Variants in ZNF724 observed in about 807,000 individuals in gnomAD.
The protein encoded by ZNF724 is zinc finger protein 724 pseudogene.
Under a neutral mutation model 29.3 loss-of-function variants are expected in ZNF724, and 14 were observed. The ratio of observed to expected loss-of-function variants is 0.48; its 90% confidence interval spans 0.32 to 0.75. The LOEUF (loss-of-function observed/expected upper bound fraction) is 0.75. Among genes scored for constraint, ZNF724 ranks in the 30% least tolerant of loss-of-function variants. The pLI is 0.04. For missense variants in ZNF724, 557 were observed against 571.2 expected, an observed-to-expected ratio of 0.98 and a Z score of 0.25; for synonymous variants, 180 against 193.6, an observed-to-expected ratio of 0.93 and a Z score of 0.58.
At chr19:23,241,392 T>C (rs753690674) in intron 1 of ZNF724, among the ~76,000 whole-genome samples, 8 of 152,146 alleles carry the variant, frequency 5.3e-5, no homozygotes, top group Non-Finnish European at 1.2e-4. Context: ...CCCAGCTCAT[T>C]ATATAATAGC....
chr19:23,227,236 T>C (rs577038956), intron 3 of ZNF724, among the ~76,000 whole-genome samples: 304 of 152,050 alleles, frequency 2.0e-3, no homozygotes, highest in South Asian at 6.7e-3. Flanking sequence ...GTTATTCTTA[T>C]ACAAAATGAA....
chr19:23,242,188 G>A (rs367922458), intron 1 of ZNF724, among the ~76,000 whole-genome samples: 7 of 152,118 alleles, frequency 4.6e-5, no homozygotes, highest in African/African-American at 7.2e-5. Context: ...AGATCTCTAC[G>A]ACAACAATTA....
intron 1 of ZNF724, among the ~76,000 whole-genome samples, chr19:23,233,186 C>G (rs1971968206): frequency 6.6e-6 from 1 of 152,146 alleles, no homozygotes; most frequent in Admixed American, 6.6e-5. Flanking sequence ...GTTCAAGATA[C>G]AGGTATCTTC....
chr19:23,235,465 G>A (rs1972009215), intron 1 of ZNF724, among the ~76,000 whole-genome samples: 1 of 152,102 alleles, frequency 6.6e-6, no homozygotes, highest in South Asian at 2.1e-4. Flanking sequence ...GTCCCTGCAA[G>A]CACTGGTTTA....
At chr19:23,231,053 T>C in intron 3 of ZNF724, 2 of 289,496 alleles carry the variant, frequency 6.9e-6, no homozygotes, top group South Asian at 1.3e-4. Flanking sequence ...CCAGCTAATT[T>C]TGTATTTTTA....
Position 23,250,295 on chromosome 19 carries a change from T to C in ZNF724, c.-53A>G. 1 of 635,804 alleles carries C rather than the reference T, an allele frequency of 1.6e-6. No homozygotes were observed. Among genetic ancestry groups the C allele is most frequent in the Non-Finnish European group, 2.9e-6 (1 of 349,424 alleles). 39.4% of individuals were successfully genotyped at this position (635,804 alleles called of 1,614,324 possible). A position where few individuals can be genotyped will look rare whatever the true frequency, so the allele number is the denominator to read the frequency against. On this transcript the variant is annotated 5_prime_UTR_variant, in exon 1 of 4. Coordinates refer to ENST00000418100, the MANE Select transcript of ZNF724 (RefSeq NM_001355404.2). ...GTCTTAGCTGTGGATCTCCCAATGC[T>C]TGCAGGTCAGAGGGCCACAGAGGCT... is the stretch of plus-strand genomic sequence containing the variant.
rs1014125315 is a variant in ZNF724 at position 23,240,956 on chromosome 19, C to T, written c.4-8663G>A. 3.3e-5 allele frequency among the ~76,000 whole-genome samples: 5 copies of T among 151,748 alleles called. 1 individual carries two copies. The highest frequency in any genetic ancestry group is 1.2e-4 in the African/African-American group (5 of 41,192). ...GCTGAGGTAGGAAAATTGCTTAAAC[C>T]CCGGAGGCAGAGGTTGCAGTGAGCC... On this transcript the variant is annotated intron_variant, in intron 1 of 3. Transcript: ENST00000418100.
At chr19:23,244,012 C>T (rs1359707826) in intron 1 of ZNF724, among the ~76,000 whole-genome samples, 2 of 150,884 alleles carry the variant, frequency 1.3e-5, no homozygotes, top group East Asian at 3.9e-4. Context: ...AAATAATCTA[C>T]ATCAAACTTT....
intron 1 of ZNF724, among the ~76,000 whole-genome samples, chr19:23,247,693 CA>C (rs1972266392): frequency 6.6e-6 from 1 of 152,162 alleles, no homozygotes; most frequent in African/African-American, 2.4e-5. Context: ...TTTTTTTTCA[CA>C]AATCTTGGAG....
intron 3 of ZNF724, 150 bp downstream of exon 3, chr19:23,231,116 T>A: frequency 1.8e-6 from 1 of 562,018 alleles, no homozygotes; most frequent in African/African-American, 1.9e-5. Flanking sequence ...CACCCGACCT[T>A]AGGTCATCTG....
intron 1 of ZNF724, among the ~76,000 whole-genome samples, chr19:23,237,372 T>C (rs965923623): frequency 6.6e-6 from 1 of 152,126 alleles, no homozygotes; most frequent in Non-Finnish European, 1.5e-5. Context: ...TTAATATGCA[T>C]GTCAGGCTAA....
intron 3 of ZNF724, among the ~76,000 whole-genome samples, chr19:23,226,690 A>G (rs1020437745): frequency 6.6e-6 from 1 of 152,224 alleles, no homozygotes; most frequent in Non-Finnish European, 1.5e-5. Flanking sequence ...ACTCACTTAT[A>G]TAAGACAAAA....
chr19:23,249,736 G>A (rs530045850), intron 1 of ZNF724, among the ~76,000 whole-genome samples: 39 of 152,242 alleles, frequency 2.6e-4, no homozygotes, highest in African/African-American at 9.4e-4. Context: ...GTTTCGCCAT[G>A]TTGGCCAGGC....
chr19:23,249,016 A>C (rs1369503037), intron 1 of ZNF724, among the ~76,000 whole-genome samples: 2 of 111,984 alleles, frequency 1.8e-5, no homozygotes, highest in Non-Finnish European at 4.2e-5. Context: ...CAAACAAAAA[A>C]AACTAAGAAG....
intron 1 of ZNF724, among the ~76,000 whole-genome samples, chr19:23,239,454 C>G (rs558482090): frequency 6.6e-6 from 1 of 152,114 alleles, no homozygotes; most frequent in Non-Finnish European, 1.5e-5. Flanking sequence ...AATTTAAAAA[C>G]CTTCACCTGA....
chr19:23,228,477 C>T (rs962851613), intron 3 of ZNF724, among the ~76,000 whole-genome samples: 54 of 147,544 alleles, frequency 3.7e-4, no homozygotes, highest in African/African-American at 1.3e-3. Flanking sequence ...AAAGGCTGGG[C>T]GCAGTGGCTT....
At position 23,232,995 on chromosome 19, in the gene ZNF724, G is replaced by A. The variant is rs1022703482; in HGVS notation, c.4-702C>T. ...AAGAAAAAATAATTAACTGTATAGT[G>A]AAAAAATCTGTCAGACAGCTCTTTA... is the stretch of plus-strand genomic sequence containing the variant. On this transcript the variant is annotated intron_variant, in intron 1 of 3. Coordinates refer to ENST00000418100, the MANE Select transcript of ZNF724 (RefSeq NM_001355404.2). Among the ~76,000 whole-genome samples, 6 of 152,186 alleles carry A rather than the reference G, an allele frequency of 3.9e-5. No homozygotes were observed. The East Asian group carries it at 1.2e-3, about 29-fold the overall frequency.
At chr19:23,228,673 G>A (rs1453196984) in intron 3 of ZNF724, among the ~76,000 whole-genome samples, 1 of 152,096 alleles carries the variant, frequency 6.6e-6, no homozygotes, top group South Asian at 2.1e-4. Flanking sequence ...GCTAAGGCGG[G>A]AGGATCACCT....
chr19:23,222,582 TTA>T lies in ZNF724; in HGVS notation c.1661_1662del (p.Ile554AsnfsTer11), dbSNP rs1179833056. On this transcript the variant is annotated frameshift_variant, in exon 4 of 4. Coordinates refer to ENST00000418100, the MANE Select transcript of ZNF724 (RefSeq NM_001355404.2). LOFTEE classifies it high-confidence loss of function. ...TTGTAGGGTTTCTCTCCAGTATGAA[TTA>T]TCTTATGTTGAGTAAGGTTTGAGTA... ...YQYSNLTQHK[I>X]IHTGEKPYKC... 7.2e-7 allele frequency: 1 copy of T among 1,384,974 alleles called. No homozygotes were observed. Among genetic ancestry groups the T allele is most frequent in the African/African-American group, 1.4e-5 (1 of 70,564 alleles). The allele number at this position is 1,384,974 out of a possible 1,614,324, so 85.8% of individuals were successfully genotyped here.
Sources: gnomAD v4.1 joint callset for allele counts (sites outside exome capture counted in the v4.1 genomes callset) on GRCh38, gnomAD v4.1.1 for gene constraint, MANE v1.5 for transcripts, NCBI Gene and HGNC (gene_info 2026-07-23, HGNC 2026-07-21) for gene names.